The following PPM1H variants were observed in gnomAD, a reference collection of about 807,000 sequenced individuals.
The protein encoded by PPM1H is protein phosphatase 1H.
In PPM1H, 27 loss-of-function variants were observed where a neutral mutation model predicts 54.9. The ratio of observed to expected loss-of-function variants is 0.49; its 90% CI spans 0.36 to 0.68. The LOEUF is 0.68. Ranked by LOEUF, PPM1H falls within the 30% of genes least tolerant of loss-of-function variation. PPM1H has a pLI of 0.00. For synonymous variants in PPM1H, 305 were observed against 270.8 expected, an observed-to-expected ratio of 1.13 and a Z score of -1.24; for missense variants, 596 against 667.8, an observed-to-expected ratio of 0.89 and a Z score of 1.19.
intron 5 of PPM1H, among the ~76,000 whole-genome samples, chr12:62,722,749 C>T (rs1005915722): frequency 9.2e-5 from 14 of 152,234 alleles, no homozygotes; most frequent in African/African-American, 2.9e-4. Context: ...CTAGCATAAA[C>T]CCAAACAAAA....
chr12:62,930,608 A>C lies in PPM1H; in HGVS notation c.245+3884T>G, dbSNP rs2121192088. ...ATCGGGCAAACAGGTAAAAAAAGAA[A>C]AAAAGCCAAAATGGGTTCCCAACCC... On this transcript the variant is annotated intron_variant, in intron 1 of 9. Transcript: ENST00000228705. Among the ~76,000 whole-genome samples the C allele has an allele frequency of 2.0e-5, 3 of 152,316 alleles. No homozygotes were observed. In the Middle Eastern group the frequency reaches 0.01, roughly 518 times the overall value.
intron 6 of PPM1H, among the ~76,000 whole-genome samples, chr12:62,700,317 A>C (rs374420686): frequency 3.9e-5 from 6 of 151,984 alleles, no homozygotes; most frequent in African/African-American, 1.5e-4. Flanking sequence ...CCAATTCTGA[A>C]TCATTTTTCC....
At chr12:62,841,876 T>C (rs1868764991) in intron 1 of PPM1H, among the ~76,000 whole-genome samples, 1 of 152,230 alleles carries the variant, frequency 6.6e-6, no homozygotes, top group Non-Finnish European at 1.5e-5. Context: ...ATATCAGCGT[T>C]TTCTTCTTCA....
At chr12:62,798,856 T>A (rs1173162603) in intron 3 of PPM1H, among the ~76,000 whole-genome samples, 1 of 152,142 alleles carries the variant, frequency 6.6e-6, no homozygotes, top group Non-Finnish European at 1.5e-5. Flanking sequence ...CCTGCACATG[T>A]CTGCTCTACT....
intron 6 of PPM1H, among the ~76,000 whole-genome samples, chr12:62,713,624 T>C (rs1196727138): frequency 1.3e-5 from 2 of 152,108 alleles, no homozygotes; most frequent in Non-Finnish European, 2.9e-5. Context: ...GAGGCCGGTG[T>C]GGCTACACCA....
chr12:62,804,947 T>C (rs2076797780), intron 2 of PPM1H, among the ~76,000 whole-genome samples: 1 of 152,122 alleles, frequency 6.6e-6, no homozygotes, highest in Non-Finnish European at 1.5e-5. Flanking sequence ...AGTGCTGGGA[T>C]TACAGGCCTG....
chr12:62,707,663 G>A (rs970569669), intron 6 of PPM1H, among the ~76,000 whole-genome samples: 1 of 152,176 alleles, frequency 6.6e-6, no homozygotes, highest in African/African-American at 2.4e-5. Flanking sequence ...AGATGACAAA[G>A]CTTCAATGTA....
chr12:62,930,342 GA>G (rs542432875), intron 1 of PPM1H, among the ~76,000 whole-genome samples: 2 of 151,816 alleles, frequency 1.3e-5, no homozygotes, highest in Admixed American at 6.6e-5. Flanking sequence ...TAAGAAATAG[GA>G]AAAAAAATTT....
At chr12:62,927,672 A>C (rs1872015385) in intron 1 of PPM1H, among the ~76,000 whole-genome samples, 1 of 151,866 alleles carries the variant, frequency 6.6e-6, no homozygotes, top group African/African-American at 2.4e-5. Context: ...CAAAAAAAAA[A>C]AAAGAAAAGA....
At chr12:62,796,943 GAAGCT>G (rs2076737877) in intron 3 of PPM1H, among the ~76,000 whole-genome samples, 1 of 152,110 alleles carries the variant, frequency 6.6e-6, no homozygotes, top group African/African-American at 2.4e-5. Context: ...ACCCCATCCA[GAAGCT>G]ACCCAGGGGC....
intron 2 of PPM1H, among the ~76,000 whole-genome samples, chr12:62,824,468 G>A (rs1208610360): frequency 1.3e-5 from 2 of 152,146 alleles, no homozygotes; most frequent in African/African-American, 4.8e-5. Context: ...AAAGAACAAA[G>A]CTGGAGGCAT....
intron 9 of PPM1H, among the ~76,000 whole-genome samples, chr12:62,650,283 T>C (rs2075808323): frequency 6.6e-6 from 1 of 152,214 alleles, no homozygotes; most frequent in Non-Finnish European, 1.5e-5. Context: ...GATATTATAG[T>C]CAATACAAAA....
At chr12:62,795,730 C>G (rs1363832611) in intron 3 of PPM1H, among the ~76,000 whole-genome samples, 4 of 151,910 alleles carry the variant, frequency 2.6e-5, no homozygotes, top group Non-Finnish European at 5.9e-5. Context: ...CCACGCCCAG[C>G]CTTGTTTTGT....
rs923684087 is a variant in PPM1H at position 62,680,670 on chromosome 12, C to A, written c.1245+9029G>T. Among the ~76,000 whole-genome samples the A allele has an allele frequency of 2.6e-5, 4 of 152,286 alleles. No individual in the cohort carries two copies. The East Asian group carries it at 7.7e-4, about 29-fold the overall frequency. ...CAGACAGGTCTTCAGACAACCCCAG[C>A]CCCAACTCACATCTGACTTTGGCCA... On this transcript the variant is annotated intron_variant, in intron 8 of 9. Transcript: ENST00000228705.
At chr12:62,680,169 C>A (rs1159317274) in intron 8 of PPM1H, among the ~76,000 whole-genome samples, 1 of 152,112 alleles carries the variant, frequency 6.6e-6, no homozygotes, top group Non-Finnish European at 1.5e-5. Context: ...TTTTAAGAAG[C>A]CTTGCTGATG....
At chr12:62,730,210 T>C (rs1592567374) in intron 5 of PPM1H, among the ~76,000 whole-genome samples, 1 of 152,320 alleles carries the variant, frequency 6.6e-6, no homozygotes, top group African/African-American at 2.4e-5. Flanking sequence ...AACAGCTTTA[T>C]TGCTCACACA....
At chr12:62,778,258 A>G (rs1407873354) in intron 4 of PPM1H, among the ~76,000 whole-genome samples, 1 of 152,216 alleles carries the variant, frequency 6.6e-6, no homozygotes, top group Non-Finnish European at 1.5e-5. Flanking sequence ...TTTCAATGCC[A>G]CTGCTGGCCA....
At chr12:62,876,996 T>G (rs1193637196) in intron 1 of PPM1H, among the ~76,000 whole-genome samples, 3 of 152,208 alleles carry the variant, frequency 2.0e-5, no homozygotes, top group Admixed American at 6.5e-5. Flanking sequence ...CGTACAAGTT[T>G]CAGTTCTTTC....
At chr12:62,747,282 A>T (rs1021752467) in intron 4 of PPM1H, among the ~76,000 whole-genome samples, 1 of 151,876 alleles carries the variant, frequency 6.6e-6, no homozygotes, top group Non-Finnish European at 1.5e-5. Context: ...GATTACAGGC[A>T]TGTGTCACCA....
Sources: gnomAD v4.1 joint callset for allele counts (sites outside exome capture counted in the v4.1 genomes callset) on GRCh38, gnomAD v4.1.1 for gene constraint, MANE v1.5 for transcripts, NCBI Gene and HGNC (gene_info 2026-07-23, HGNC 2026-07-21) for gene names.